The following ABCG1 variants were observed in gnomAD, a reference collection of about 807,000 sequenced individuals.
ABCG1 encodes the protein ATP binding cassette subfamily G member 1.
Under a neutral mutation model 69.2 loss-of-function variants are expected in ABCG1, and 29 were observed. The observed-to-expected ratio is 0.42, with a 90% CI of 0.31 to 0.57. The LOEUF (loss-of-function observed/expected upper bound fraction) is 0.57, where lower values mean the gene tolerates loss of function less well. ABCG1 is among the 20% of genes least tolerant of loss of function. ABCG1 has a pLI of 0.15. For missense variants in ABCG1, 718 were observed against 898.1 expected (o/e 0.80, Z 2.56); for synonymous variants, 370 against 374.8 (o/e 0.99, Z 0.15).
intron 2 of ABCG1, among the ~76,000 whole-genome samples, chr21:42,237,265 G>A (rs1277765808): frequency 6.6e-6 from 1 of 152,232 alleles, no homozygotes; most frequent in Non-Finnish European, 1.5e-5. Flanking sequence ...CTGGCCAGCA[G>A]GGCTCTCTTG....
intron 11 of ABCG1, among the ~76,000 whole-genome samples, chr21:42,290,553 T>C (rs1272138054): frequency 1.3e-5 from 2 of 152,240 alleles, no homozygotes; most frequent in Admixed American, 6.5e-5. Flanking sequence ...AAGATAGCTC[T>C]GCACAGCCCA....
chr21:42,230,771 G>A (rs560572064), intron 2 of ABCG1, among the ~76,000 whole-genome samples: 11 of 152,336 alleles, frequency 7.2e-5, no homozygotes, highest in East Asian at 1.9e-4. Context: ...GTTCCCACGC[G>A]TAGTTGACTG....
In ABCG1 at chr21:42,287,710, G is replaced by C. The variant is rs1025881732; in HGVS notation, c.974-179G>C. ...CCTGACATGATAAAGGGCCTTGCTG[G>C]GGGGTTTGAGAGCCGCACGCTGGTT... On this transcript the variant is annotated intron_variant, in intron 8 of 14. Coordinates refer to ENST00000398449, the MANE Select transcript of ABCG1 (RefSeq NM_016818.3). The surrounding 1 kb of genome is among the most constrained non-coding windows in gnomAD (Gnocchi z 6.2). 6.6e-6 allele frequency among the ~76,000 whole-genome samples: 1 copy of C among 152,256 alleles called. No individual in the cohort carries two copies. Among genetic ancestry groups the C allele is most frequent in the African/African-American group, 2.4e-5 (1 of 41,470 alleles).
In ABCG1 at chr21:42,249,139, T is replaced by C. The variant is rs2068181201; in HGVS notation, c.287-21931T>C. ...AATTGTTAAAGGATAAATACGAACG[T>C]GGTGCAAGATAGAGAAAAACAAGGA... On this transcript the variant is annotated intron_variant, in intron 2 of 14. Coordinates refer to ENST00000398449, the MANE Select transcript of ABCG1 (RefSeq NM_016818.3). 2.6e-5 allele frequency among the ~76,000 whole-genome samples: 4 copies of C among 151,982 alleles called. No homozygotes were observed. In the South Asian group the frequency reaches 8.3e-4, roughly 31 times the overall value.
chr21:42,201,856 T>C, intron 2 of ABCG1: 1 of 1,545,390 alleles, frequency 6.5e-7, no homozygotes, highest in Non-Finnish European at 8.8e-7. Flanking sequence ...GCTCCTGCGG[T>C]GTAGTTTGGT....
At chr21:42,215,317 C>T (rs1165267282), upstream of ABCG1, among the ~76,000 whole-genome samples, 3 of 152,246 alleles carry the variant, frequency 2.0e-5, no homozygotes, top group African/African-American at 7.2e-5. Flanking sequence ...CGCCAGAGGC[C>T]AAGTCCTCAG....
At position 42,282,358 on chromosome 21, in the gene ABCG1, C is replaced by T; in HGVS notation, c.673C>T (p.Leu225=). Residue 225 remains leucine, a synonymous_variant, in exon 6 of 15, where the codon CTG becomes TTG. Coordinates refer to ENST00000398449, the MANE Select transcript of ABCG1 (RefSeq NM_016818.3). ...GSLSGGQRKR[L]AIALELVNNP... ...CCTGTCAGGTGGTCAGCGCAAGCGC[C>T]TGGCCATCGCGCTGGAGCTGGTGAA... 1 of 1,613,890 alleles carries T rather than the reference C, an allele frequency of 6.2e-7. No homozygotes were observed. The highest frequency in any genetic ancestry group is 8.5e-7 in the Non-Finnish European group (1 of 1,179,996).
At chr21:42,210,474 T>A (rs1427123706) in intron 2 of ABCG1, among the ~76,000 whole-genome samples, 1 of 152,188 alleles carries the variant, frequency 6.6e-6, no homozygotes, top group African/African-American at 2.4e-5. Flanking sequence ...AATCTTCAAC[T>A]TTGAAGGTCA....
At position 42,291,843 on chromosome 21, in the gene ABCG1, A is replaced by C. The variant is rs574913433; in HGVS notation, c.1653+187A>C. On this transcript the variant is annotated intron_variant, in intron 13 of 14. Transcript: ENST00000398449. This position sits in a 1 kb window ranked among gnomAD's most constrained non-coding sequence, Gnocchi z 6.4. ...ATCAGCTGGCTTCCACAGTGCGCAC[A>C]GCGGGCAGCCTCACGTGTGCTGACT... Among the ~76,000 whole-genome samples, 1 of 152,280 alleles carries C rather than the reference A, an allele frequency of 6.6e-6. No homozygotes were observed. The highest frequency in any genetic ancestry group is 2.1e-4 in the South Asian group (1 of 4,834).
chr21:42,293,721 A>T (rs1157606189), intron 13 of ABCG1, among the ~76,000 whole-genome samples: 1 of 149,850 alleles, frequency 6.7e-6, no homozygotes, highest in Non-Finnish European at 1.5e-5. Context: ...CACACTACAC[A>T]CTACACACAA....
chr21:42,244,491 AAAGCTTCTCTTCTGCACTGCATTTCCT>A (rs2068103289), intron 2 of ABCG1, among the ~76,000 whole-genome samples: 1 of 152,076 alleles, frequency 6.6e-6, no homozygotes, highest in Non-Finnish European at 1.5e-5. Context: ...AAAGACTTCA[AAAGCTTCTCTTCTGCACTGCATTTCCT>A]AAAGTCTAAT....
At position 42,200,547 on chromosome 21, in the gene ABCG1, G is replaced by A. The variant is rs557491192; in HGVS notation, c.-100+698G>A. On this transcript the variant is annotated intron_variant, in intron 1 of 15. Coordinates refer to the ABCG1 transcript ENST00000398457. ...AATTTTTCCATGGTTTGGGGGTGGG[G>A]TGGAGGGATGCTTTCGGGATGATTC... 3.9e-5 allele frequency among the ~76,000 whole-genome samples: 6 copies of A among 151,972 alleles called. No homozygotes were observed. The South Asian group carries it at 1.0e-3, about 26-fold the overall frequency.
intron 2 of ABCG1, among the ~76,000 whole-genome samples, chr21:42,269,814 C>T (rs1382964166): frequency 6.6e-6 from 1 of 152,172 alleles, no homozygotes; most frequent in Non-Finnish European, 1.5e-5. Flanking sequence ...GGCTTGGGTG[C>T]CCAGCTGGGG....
intron 1 of ABCG1, among the ~76,000 whole-genome samples, chr21:42,200,863 A>G (rs952364264): frequency 6.6e-6 from 1 of 152,124 alleles, no homozygotes; most frequent in African/African-American, 2.4e-5. Flanking sequence ...TGCTAGGATT[A>G]CAGGCATGAA....
At chr21:42,292,795 T>C (rs867839242) in intron 13 of ABCG1, among the ~76,000 whole-genome samples, 57 of 83,736 alleles carry the variant, frequency 6.8e-4, no homozygotes, top group African/African-American at 1.3e-3. Flanking sequence ...CCATACACTA[T>C]ACACATACCA....
chr21:42,252,605 G>A (rs1254628539), intron 2 of ABCG1, among the ~76,000 whole-genome samples: 37 of 152,032 alleles, frequency 2.4e-4, no homozygotes, highest in East Asian at 1.9e-4. Context: ...TTTCTTTAGC[G>A]GGGGTGACTC....
intron 1 of ABCG1, among the ~76,000 whole-genome samples, chr21:42,224,417 A>G (rs2067781252): frequency 6.6e-6 from 1 of 152,150 alleles, no homozygotes; most frequent in African/African-American, 2.4e-5. Context: ...CAGACCCCTA[A>G]GGAAGGCGGA....
At chr21:42,237,976 T>C (rs1323955968) in intron 2 of ABCG1, among the ~76,000 whole-genome samples, 2 of 152,158 alleles carry the variant, frequency 1.3e-5, no homozygotes, top group African/African-American at 4.8e-5. Context: ...CTGATCCAAG[T>C]GCCAAACTCA....
At chr21:42,271,262 C>A in intron 3 of ABCG1, 75 bp downstream of exon 3, 1 of 895,620 alleles carries the variant, frequency 1.1e-6, no homozygotes, top group African/African-American at 1.7e-5. Flanking sequence ...GAGCTCCTTC[C>A]ATCAGCCCCA....
Sources: gnomAD v4.1 joint callset for allele counts (sites outside exome capture counted in the v4.1 genomes callset) on GRCh38, gnomAD v4.1.1 for gene constraint, Gnocchi (gnomAD v3.1) non-coding constraint, MANE v1.5 for transcripts, NCBI Gene and HGNC (gene_info 2026-07-23, HGNC 2026-07-21) for gene names.